Variants in ADGRL3 observed in about 807,000 individuals in gnomAD.
ADGRL3 encodes the protein calcium-independent alpha-latrotoxin receptor 3.
ADGRL3 carries 62 observed loss-of-function variants against 153.5 expected under a neutral mutation model. The ratio of observed to expected loss-of-function variants is 0.40; its 90% confidence interval spans 0.33 to 0.50. The LOEUF is 0.50. Among genes scored for constraint, ADGRL3 ranks in the 20% least tolerant of loss-of-function variants. ADGRL3 has a pLI of 0.47. For missense variants in ADGRL3, 1,641 were observed against 1,859.4 expected, an observed-to-expected ratio of 0.88 and a Z score of 2.16; for synonymous variants, 710 against 672.5, an observed-to-expected ratio of 1.06 and a Z score of -0.86.
intron 8 of ADGRL3, among the ~76,000 whole-genome samples, chr4:61,811,099 C>A (rs1299279446): frequency 6.6e-6 from 1 of 152,006 alleles, no homozygotes; most frequent in Non-Finnish European, 1.5e-5. Flanking sequence ...AAAAGTTTAC[C>A]CATAACATTA....
At chr4:61,716,079 A>G (rs2096108582) in intron 6 of ADGRL3, among the ~76,000 whole-genome samples, 1 of 150,052 alleles carries the variant, frequency 6.7e-6, no homozygotes, top group Admixed American at 6.7e-5. Context: ...TTTTATTTTT[A>G]TTTGCTCAAA....
intron 10 of ADGRL3, 142 bp downstream of exon 10, chr4:61,893,100 C>G (rs1216967592): frequency 1.0e-5 from 4 of 396,552 alleles, no homozygotes; most frequent in African/African-American, 9.7e-5. Context: ...TTTCTCCTTC[C>G]TTCCTTCCTT....
At chr4:61,953,855 C>T (rs944435870) in intron 17 of ADGRL3, among the ~76,000 whole-genome samples, 2 of 152,174 alleles carry the variant, frequency 1.3e-5, no homozygotes, top group Non-Finnish European at 2.9e-5. Context: ...TCTTGCAACA[C>T]GTTCTTCAGT....
chr4:61,987,023 G>C (rs2099087801), intron 19 of ADGRL3, among the ~76,000 whole-genome samples: 1 of 152,002 alleles, frequency 6.6e-6, no homozygotes, highest in Admixed American at 6.6e-5. Flanking sequence ...TACACTCAAA[G>C]AATTTCTGTA....
intron 12 of ADGRL3, among the ~76,000 whole-genome samples, chr4:61,911,716 C>T (rs573489730): frequency 6.6e-6 from 1 of 152,066 alleles, no homozygotes; most frequent in Non-Finnish European, 1.5e-5. Context: ...GGAGTAACTG[C>T]TCTATGCTCA....
Position 61,289,099 on chromosome 4 carries a change from C to T in ADGRL3, c.-240+87334C>T, listed in dbSNP as rs184936458. On this transcript the variant is annotated intron_variant, in intron 1 of 26. Transcript: ENST00000683033. ...TATAAAGTTCTGTGATGTAGCACAG[C>T]GGAGGAATTCTAGTAACTTGAAACA... Among the ~76,000 whole-genome samples the T allele has an allele frequency of 1.1e-3, 169 of 151,984 alleles. 1 individual carries two copies. Among genetic ancestry groups the T allele is most frequent in the African/African-American group, 3.7e-3 (153 of 41,498 alleles).
intron 2 of ADGRL3, among the ~76,000 whole-genome samples, chr4:61,492,826 C>G (rs1056216570): frequency 4.6e-5 from 7 of 152,042 alleles, no homozygotes; most frequent in African/African-American, 1.7e-4. Context: ...TCTTTCCATA[C>G]TGTATTCTTT....
At chr4:61,791,193 AG>A (rs2097337556) in intron 8 of ADGRL3, among the ~76,000 whole-genome samples, 2 of 152,294 alleles carry the variant, frequency 1.3e-5, no homozygotes, top group South Asian at 4.1e-4. Flanking sequence ...ATCTGAGATA[AG>A]GCAAGTCCCT....
chr4:61,699,986 A>T (rs998366505), intron 6 of ADGRL3, among the ~76,000 whole-genome samples: 8 of 151,844 alleles, frequency 5.3e-5, no homozygotes, highest in African/African-American at 1.5e-4. Context: ...ACACAGAGAG[A>T]GAGAGAGAGA....
At position 61,497,353 on chromosome 4, in the gene ADGRL3, G is replaced by T. The variant is rs1229232883; in HGVS notation, c.55+5G>T. ...TCTTAGCTCCAATAATTCATGGTAA[G>T]ATTTTTCAGATTTTTGTGTAATGCT... On this transcript the variant is annotated splice_donor_5th_base_variant and intron_variant, in intron 3 of 26. Coordinates refer to ENST00000683033, the MANE Select transcript of ADGRL3 (RefSeq NM_001387552.1). 6.3e-7 allele frequency: 1 copy of T among 1,591,678 alleles called. No homozygotes were observed. The highest frequency in any genetic ancestry group is 2.3e-5 in the East Asian group (1 of 44,408).
intron 5 of ADGRL3, among the ~76,000 whole-genome samples, chr4:61,643,474 A>G (rs1440724379): frequency 1.3e-5 from 2 of 151,746 alleles, no homozygotes; most frequent in Non-Finnish European, 2.9e-5. Context: ...TCAATACCTA[A>G]TTTATTGAGA....
chr4:61,766,276 A>G (rs1037960489), intron 8 of ADGRL3, among the ~76,000 whole-genome samples: 4 of 152,088 alleles, frequency 2.6e-5, no homozygotes, highest in Admixed American at 1.3e-4. Context: ...TGCATCAGGT[A>G]TGAGGAAGAA....
intron 8 of ADGRL3, among the ~76,000 whole-genome samples, chr4:61,773,623 T>TA (rs1365384668): frequency 6.6e-6 from 1 of 152,180 alleles, no homozygotes; most frequent in Non-Finnish European, 1.5e-5. Flanking sequence ...TTTAATTTCT[T>TA]AAAAAAATAT....
chr4:61,971,945 C>G (rs1385183130), intron 17 of ADGRL3, among the ~76,000 whole-genome samples: 1 of 152,060 alleles, frequency 6.6e-6, no homozygotes, highest in Admixed American at 6.6e-5. Context: ...TTTGGCTGCA[C>G]AAATGTCTTC....
chr4:61,344,459 C>T (rs1247730243), intron 1 of ADGRL3, among the ~76,000 whole-genome samples: 1 of 152,152 alleles, frequency 6.6e-6, no homozygotes, highest in Non-Finnish European at 1.5e-5. Context: ...CATATGAATC[C>T]TTGAATAACG....
At chr4:61,709,663 C>T (rs977368352) in intron 6 of ADGRL3, among the ~76,000 whole-genome samples, 1 of 152,136 alleles carries the variant, frequency 6.6e-6, no homozygotes, top group Non-Finnish European at 1.5e-5. Context: ...GCCTCGAAAG[C>T]CTGGTCTCAC....
intron 4 of ADGRL3, among the ~76,000 whole-genome samples, chr4:61,533,009 C>T (rs1439305773): frequency 1.3e-5 from 2 of 151,994 alleles, no homozygotes; most frequent in East Asian, 3.9e-4. Flanking sequence ...GATTTACTTC[C>T]CAGGACAAGG....
intron 9 of ADGRL3, among the ~76,000 whole-genome samples, chr4:61,881,822 T>C (rs911854710): frequency 2.0e-5 from 3 of 152,232 alleles, no homozygotes; most frequent in African/African-American, 7.2e-5. Context: ...CTAGAAATAT[T>C]AGGCAATAAC....
chr4:61,916,441 C>T (rs1233658308), intron 13 of ADGRL3, among the ~76,000 whole-genome samples: 2 of 151,476 alleles, frequency 1.3e-5, no homozygotes, highest in Admixed American at 6.6e-5. Context: ...TCGAATATAG[C>T]CTGGGGAGCA....
Sources: allele counts gnomAD v4.1 joint callset (sites outside exome capture counted in the v4.1 genomes callset), GRCh38; gene constraint gnomAD v4.1.1; transcripts MANE v1.5; gene names NCBI Gene and HGNC (gene_info 2026-07-23, HGNC 2026-07-21).